The following SLC27A6 variants were observed in gnomAD, a reference collection of about 807,000 sequenced individuals.
SLC27A6 encodes solute carrier family 27 member 6, also known as long-chain fatty acid transport protein 6.
SLC27A6 carries 74 observed loss-of-function variants against 63.9 expected under a neutral mutation model. The ratio of observed to expected loss-of-function variants is 1.16; its 90% CI spans 0.96 to 1.40. The LOEUF (loss-of-function observed/expected upper bound fraction) is 1.40, where lower values mean the gene tolerates loss of function less well. Ranked by LOEUF, SLC27A6 falls within the 40% of genes most tolerant of loss-of-function variation. The probability of loss-of-function intolerance (pLI) is 0.00; values close to 1 mark genes in which losing one functional copy is unlikely to be tolerated. For synonymous variants in SLC27A6, 287 were observed against 260.8 expected (o/e 1.10, Z -0.97); for missense variants, 794 against 732.9 (o/e 1.08, Z -0.96).
At chr5:129,016,779 A>C (rs1487760118) in intron 5 of SLC27A6, among the ~76,000 whole-genome samples, 1 of 152,140 alleles carries the variant, frequency 6.6e-6, no homozygotes, top group Non-Finnish European at 1.5e-5. Context: ...TATACCACTC[A>C]ATTCTATACA....
At position 128,976,042 on chromosome 5, in the gene SLC27A6, G is replaced by GA. The variant is rs910728537; in HGVS notation, c.482-9081dup. On this transcript the variant is annotated intron_variant, in intron 1 of 9. Transcript: ENST00000262462. ...TCTAGCTGAGTCTAGGAATGAAAAA[G>GA]AAAAAAAAAACAAAAAGCCAAACAG... Among the ~76,000 whole-genome samples, 375 of 143,344 alleles carry GA rather than the reference G, an allele frequency of 2.6e-3. 2 individuals are homozygous for GA. Among genetic ancestry groups the GA allele is most frequent in the African/African-American group, 8.8e-3 (339 of 38,412 alleles). 94.0% of individuals were successfully genotyped at this position (143,344 alleles called of 152,430 possible). A position where few individuals can be genotyped will look rare whatever the true frequency, so the allele number is the denominator to read the frequency against.
rs4068575 is a variant in SLC27A6 at position 129,006,071 on chromosome 5, G to GTTTTTTTTTTTTTTTTTTTTTTTTTTTTT, written c.970-9789_970-9788insTTTTTTTTTTTTTTTTTTTTTTTTTTTTT. On this transcript the variant is annotated intron_variant, in intron 4 of 9. Coordinates refer to ENST00000262462, the MANE Select transcript of SLC27A6 (RefSeq NM_001017372.3). ...TAAAATTTTCATTCCTGTGCACACT[G>GTTTTTTTTTTTTTTTTTTTTTTTTTTTTT]TTTTTTTTTTTTTTTTTTTTTTTTT... Among the ~76,000 whole-genome samples the GTTTTTTTTTTTTTTTTTTTTTTTTTTTTT allele has an allele frequency of 6.3e-4, 38 of 60,144 alleles. 10 individuals are homozygous for GTTTTTTTTTTTTTTTTTTTTTTTTTTTTT. The East Asian group carries it at 8.1e-3, about 13-fold the overall frequency. 39.5% of individuals were successfully genotyped at this position (60,144 alleles called of 152,430 possible).
At chr5:129,001,195 T>C (rs970947809) in intron 4 of SLC27A6, among the ~76,000 whole-genome samples, 8 of 152,136 alleles carry the variant, frequency 5.3e-5, no homozygotes, top group African/African-American at 1.7e-4. Context: ...TCATTTTAAA[T>C]ACTACCAAAT....
At chr5:128,995,432 G>A (rs1751124467) in intron 4 of SLC27A6, among the ~76,000 whole-genome samples, 1 of 152,170 alleles carries the variant, frequency 6.6e-6, no homozygotes, top group African/African-American at 2.4e-5. Context: ...ATGAGGGGGA[G>A]AGAAAATAAA....
chr5:128,986,646 C>G (rs1750796607), intron 2 of SLC27A6, among the ~76,000 whole-genome samples: 1 of 152,090 alleles, frequency 6.6e-6, no homozygotes, highest in South Asian at 2.1e-4. Flanking sequence ...GCTACTCTGT[C>G]CAGACTGAGG....
chr5:129,017,129 A>T (rs1431581154), intron 5 of SLC27A6, among the ~76,000 whole-genome samples: 2 of 152,158 alleles, frequency 1.3e-5, no homozygotes, highest in African/African-American at 4.8e-5. Flanking sequence ...CCTGCATCTA[A>T]CTACTGCTGT....
At chr5:128,978,053 C>G (rs550070945) in intron 1 of SLC27A6, among the ~76,000 whole-genome samples, 74 of 152,180 alleles carry the variant, frequency 4.9e-4, no homozygotes, top group African/African-American at 1.7e-3. Context: ...TTTGGGATGC[C>G]ATTTGATATA....
chr5:129,014,802 C>T (rs376891267), intron 4 of SLC27A6, among the ~76,000 whole-genome samples: 1 of 152,144 alleles, frequency 6.6e-6, no homozygotes, highest in Non-Finnish European at 1.5e-5. Flanking sequence ...TTCAGGAACC[C>T]TTGTCGAGTG....
chr5:128,986,504 A>G (rs1750791972), intron 2 of SLC27A6, among the ~76,000 whole-genome samples: 2 of 152,230 alleles, frequency 1.3e-5, no homozygotes, highest in South Asian at 2.1e-4. Context: ...ATTGCATAGT[A>G]AAATTTTTCT....
chr5:129,013,583 T>C (rs1196240066), intron 4 of SLC27A6, among the ~76,000 whole-genome samples: 1 of 152,096 alleles, frequency 6.6e-6, no homozygotes, highest in African/African-American at 2.4e-5. Flanking sequence ...CTCCCTCTCT[T>C]TTTAATTTTT....
At chr5:129,004,350 G>A (rs1390634178) in intron 4 of SLC27A6, among the ~76,000 whole-genome samples, 1 of 152,022 alleles carries the variant, frequency 6.6e-6, no homozygotes, top group Non-Finnish European at 1.5e-5. Context: ...GACTCTGTCT[G>A]GCTCTGTCTC....
Position 129,029,653 on chromosome 5 carries a change from A to C in SLC27A6, c.1629A>C (p.Glu543Asp). The change falls in exon 9 of 10, where the codon GAA becomes GAC. Residue 543 changes from glutamate (E) to aspartate (D), a missense_variant. By Grantham distance (45) the Glu-to-Asp change is conservative (BLOSUM62 2). Coordinates refer to ENST00000262462, the MANE Select transcript of SLC27A6 (RefSeq NM_001017372.3). ...NTSLDLEKVY[E>D]QVVTFLPAYA... ...CTTTAGATTTGGAAAAAGTTTATGAACAAGTTGTAACATTTCTACCAGCTT... is the reference window on the plus strand; with the variant it reads ...CTTTAGATTTGGAAAAAGTTTATGACCAAGTTGTAACATTTCTACCAGCTT... 6.2e-7 allele frequency: 1 copy of C among 1,601,900 alleles called. No homozygotes were observed. Among genetic ancestry groups the C allele is most frequent in the Middle Eastern group, 1.7e-4 (1 of 5,988 alleles).
chr5:128,971,706 C>A (rs551758043), intron 1 of SLC27A6, among the ~76,000 whole-genome samples: 2 of 152,164 alleles, frequency 1.3e-5, no homozygotes, highest in Admixed American at 6.5e-5. Context: ...TGGGTCTTGA[C>A]TCTTTATCCA....
In SLC27A6 at chr5:129,016,029, A is replaced by T; in HGVS notation, c.1114A>T (p.Asn372Tyr). Reference sequence around the variant, plus strand: ...TACCGAATCAAGCATATCTTTCATGAACTACACTGGGAGAATTGGAGCAAT... The same window carrying T: ...TACCGAATCAAGCATATCTTTCATGTACTACACTGGGAGAATTGGAGCAAT... ...AATESSISFM[N>Y]YTGRIGAIGR... Residue 372 changes from asparagine (N) to tyrosine (Y), a missense_variant, in exon 5 of 10, where the codon AAC (asparagine) becomes TAC (tyrosine). Physicochemically the swap from Asn to Tyr is moderately radical, Grantham distance 143. Transcript: ENST00000262462. The T allele has an allele frequency of 6.2e-7, 1 of 1,604,270 alleles. No individual in the cohort carries two copies. Among genetic ancestry groups the T allele is most frequent in the Non-Finnish European group, 8.5e-7 (1 of 1,177,510 alleles).
chr5:128,990,291 C>T (rs1206949905), intron 3 of SLC27A6, 49 bp from the exon 4 acceptor site: 2 of 1,584,312 alleles, frequency 1.3e-6, no homozygotes, highest in Non-Finnish European at 1.7e-6. Context: ...TATGTTCATT[C>T]TGCCTTTGAA....
In SLC27A6 at chr5:128,966,394, A is replaced by T; in HGVS notation, c.257A>T (p.Asp86Val). ...EGDIYTYQDV[D>V]KRSSRVAHVF... The stretch of plus-strand genomic sequence containing the variant: ...GACATCTACACCTATCAGGATGTAG[A>T]CAAAAGGAGCAGCAGAGTGGCCCAT... The change falls in exon 1 of 10, where the codon GAC becomes GTC. Residue 86 changes from aspartate (D) to valine (V), a missense_variant. Physicochemically the swap from Asp to Val is radical, Grantham distance 152 (BLOSUM62 -3). Transcript: ENST00000262462. 6.2e-7 allele frequency: 1 copy of T among 1,612,790 alleles called. No homozygotes were observed. Among genetic ancestry groups the T allele is most frequent in the Non-Finnish European group, 8.5e-7 (1 of 1,179,408 alleles).
chr5:128,981,817 C>CTTTTCTTTTCTTTTCT (rs761984176), intron 1 of SLC27A6, among the ~76,000 whole-genome samples: 2 of 146,392 alleles, frequency 1.4e-5, no homozygotes, highest in African/African-American at 5.0e-5. Flanking sequence ...CTTTTCTTTT[C>CTTTTCTTTTCTTTTCT]TTTTTTTTTT....
intron 1 of SLC27A6, among the ~76,000 whole-genome samples, chr5:128,983,727 G>A (rs936056228): frequency 6.6e-6 from 1 of 152,156 alleles, no homozygotes; most frequent in Non-Finnish European, 1.5e-5. Context: ...CAACTTGTGA[G>A]CTTGATGTAT....
At position 129,023,604 on chromosome 5, in the gene SLC27A6, A is replaced by ATT. The variant is rs550659921; in HGVS notation, c.1165-6_1165-5dup. ...CTAAATGCTTGTTTCTATTTGTTTG[A>ATT]TTTTTTTTTTTGCAGCTTCTTTCCA... On this transcript the variant is annotated splice_polypyrimidine_tract_variant and intron_variant, in intron 5 of 9. Coordinates refer to ENST00000262462, the MANE Select transcript of SLC27A6 (RefSeq NM_001017372.3). 0.06 allele frequency: 78,094 copies of ATT among 1,310,118 alleles called. 917 individuals carry two copies. Among genetic ancestry groups the ATT allele is most frequent in the East Asian group, 0.22 (8,458 of 39,044 alleles). The allele number at this position is 1,310,118 out of a possible 1,614,324, so 81.2% of individuals were successfully genotyped here.
Sources: allele counts gnomAD v4.1 joint callset (sites outside exome capture counted in the v4.1 genomes callset), GRCh38; gene constraint gnomAD v4.1.1; transcripts MANE v1.5; gene names NCBI Gene and HGNC (gene_info 2026-07-23, HGNC 2026-07-21).